Variants in MCFD2 observed in about 807,000 individuals in gnomAD.
The protein encoded by MCFD2 is multiple coagulation factor deficiency 2, ER cargo receptor complex subunit.
Under a neutral mutation model 12.8 loss-of-function variants are expected in MCFD2, and 11 were observed. That is an observed-to-expected ratio of 0.86 (90% CI 0.54 to 1.42). MCFD2 has a LOEUF of 1.42. Among genes scored for constraint, MCFD2 ranks in the 40% most tolerant of loss-of-function variants. MCFD2 has a pLI of 0.00. For missense variants in MCFD2, 191 were observed against 178.6 expected (o/e 1.07, Z -0.40); for synonymous variants, 70 against 68.1 (o/e 1.03, Z -0.14).
chr2:46,929,237 A>G (rs7603884), intron 1 of MCFD2, among the ~76,000 whole-genome samples: 10,608 of 152,180 alleles, frequency 0.07, 511 homozygotes, highest in African/African-American at 0.13. Flanking sequence ...TAATCCTAGC[A>G]CTTTGGGAAG....
At chr2:46,922,060 G>T (rs1572634569) in intron 1 of MCFD2, among the ~76,000 whole-genome samples, 1 of 152,298 alleles carries the variant, frequency 6.6e-6, no homozygotes, top group East Asian at 1.9e-4. Flanking sequence ...TTTTATATTT[G>T]AGTGGAGGAA....
At chr2:46,925,437 A>G (rs1258374352) in intron 1 of MCFD2, among the ~76,000 whole-genome samples, 2 of 152,156 alleles carry the variant, frequency 1.3e-5, no homozygotes, top group Non-Finnish European at 2.9e-5. Context: ...GGGCGCTTGT[A>G]ATCCCAGCTA....
intron 1 of MCFD2, among the ~76,000 whole-genome samples, chr2:46,914,570 G>A (rs1203411725): frequency 1.3e-5 from 2 of 152,160 alleles, no homozygotes; most frequent in African/African-American, 4.8e-5. Context: ...AGCCCAAGGA[G>A]CACCCATGCT....
rs549893147 is a variant in MCFD2 at position 46,906,197 on chromosome 2, A to G, written c.310-603T>C. On this transcript the variant is annotated intron_variant, in intron 3 of 3. Transcript: ENST00000319466. ...ATTCACCATTCCCTCTCCTGTCACC[A>G]CCACTATCCTCATCTGCCAGGACTG... Among the ~76,000 whole-genome samples the G allele has an allele frequency of 9.9e-5, 15 of 152,074 alleles. 1 individual carries two copies. In the South Asian group the frequency reaches 3.1e-3, roughly 32 times the overall value.
intron 1 of MCFD2, among the ~76,000 whole-genome samples, chr2:46,931,689 CAATAAT>C (rs1558480371): frequency 8.6e-6 from 1 of 116,672 alleles, no homozygotes; most frequent in Admixed American, 8.1e-5. Flanking sequence ...CAAAAACAGA[CAATAAT>C]AAATAAATAA....
upstream of MCFD2, chr2:46,916,061 G>T: frequency 1.0e-6 from 1 of 985,456 alleles, no homozygotes; most frequent in Non-Finnish European, 1.2e-6. Context: ...GCTAGGCAAC[G>T]CCGGAAGCCC....
chr2:46,938,734 C>G (rs1256470980), intron 1 of MCFD2, among the ~76,000 whole-genome samples: 2 of 152,148 alleles, frequency 1.3e-5, no homozygotes, highest in Non-Finnish European at 2.9e-5. Flanking sequence ...ACTTTGGAGG[C>G]TGGGCAGGGT....
In MCFD2 at chr2:46,904,721, G is replaced by A. The variant is rs550453047; in HGVS notation, c.*742C>T. 6.5e-6 allele frequency: 1 copy of A among 152,850 alleles called. No individual in the cohort carries two copies. Among genetic ancestry groups the A allele is most frequent in the South Asian group, 2.1e-4 (1 of 4,860 alleles). The allele number at this position is 152,850 out of a possible 1,614,324, so 9.5% of individuals were successfully genotyped here. A position where few individuals can be genotyped will look rare whatever the true frequency, so the allele number is the denominator to read the frequency against. ...CTTTTGATTTTACAGGCTCATAGGT[G>A]GAAGGGACTTGCCTTGTCTCAGATG... is the stretch of plus-strand genomic sequence containing the variant. On this transcript the variant is annotated 3_prime_UTR_variant, in exon 4 of 4. Transcript: ENST00000319466.
At chr2:46,911,196 T>C (rs527609574) in intron 1 of MCFD2, among the ~76,000 whole-genome samples, 2 of 152,236 alleles carry the variant, frequency 1.3e-5, no homozygotes, top group East Asian at 3.9e-4. Context: ...GGCGCAATCT[T>C]GGCTCACTGC....
chr2:46,916,769 G>A (rs1248715081), upstream of MCFD2, among the ~76,000 whole-genome samples: 1 of 152,258 alleles, frequency 6.6e-6, no homozygotes, highest in South Asian at 2.1e-4. Context: ...CGAGTAGCTG[G>A]GATTACAGGC....
intron 3 of MCFD2, 117 bp from the exon 4 acceptor site, chr2:46,905,711 AAAAAG>A: frequency 9.7e-6 from 11 of 1,138,416 alleles, no homozygotes; most frequent in East Asian, 7.5e-5. Flanking sequence ...AAAAAAAAAA[AAAAAG>A]GAAAAACAAA....
At chr2:46,915,034 G>A (rs978224266) in intron 1 of MCFD2, among the ~76,000 whole-genome samples, 7 of 152,230 alleles carry the variant, frequency 4.6e-5, no homozygotes, top group Admixed American at 4.6e-4. Context: ...TCAGATTTCT[G>A]TTTTAAGACC....
At chr2:46,922,097 A>T (rs1669135157) in intron 1 of MCFD2, among the ~76,000 whole-genome samples, 1 of 152,078 alleles carries the variant, frequency 6.6e-6, no homozygotes, top group South Asian at 2.1e-4. Context: ...TCCAGCAAAG[A>T]GTCTAGTCTG....
At chr2:46,926,616 GC>G (rs542477531) in intron 1 of MCFD2, among the ~76,000 whole-genome samples, 1 of 152,130 alleles carries the variant, frequency 6.6e-6, no homozygotes, top group Non-Finnish European at 1.5e-5. Flanking sequence ...GATTGGTAGA[GC>G]CCCCCCAGGT....
intron 3 of MCFD2, among the ~76,000 whole-genome samples, chr2:46,906,608 C>T (rs1319424829): frequency 1.3e-5 from 2 of 151,538 alleles, no homozygotes; most frequent in South Asian, 2.1e-4. Context: ...CACTACCCTC[C>T]CACCCCGTCA....
At chr2:46,924,270 G>T (rs1669271970) in intron 1 of MCFD2, among the ~76,000 whole-genome samples, 1 of 150,168 alleles carries the variant, frequency 6.7e-6, no homozygotes, top group Non-Finnish European at 1.5e-5. Flanking sequence ...CTGTAAACCA[G>T]TAAAACTGTA....
chr2:46,938,696 G>A (rs1423488391), intron 1 of MCFD2, among the ~76,000 whole-genome samples: 1 of 152,136 alleles, frequency 6.6e-6, no homozygotes, highest in Non-Finnish European at 1.5e-5. Flanking sequence ...GCCCTGTGTG[G>A]TGGGTGGTTC....
Position 46,905,327 on chromosome 2 carries a change from G to A in MCFD2, c.*136C>T. ...ATTTCTCTTATCTCTTCTCACCCCA[G>A]TGTAACGAATCGCTACAGGTTTTTA... is the stretch of plus-strand genomic sequence containing the variant. On this transcript the variant is annotated 3_prime_UTR_variant, in exon 4 of 4. Coordinates refer to ENST00000319466, the MANE Select transcript of MCFD2 (RefSeq NM_139279.6). 1 of 892,650 alleles carries A rather than the reference G, an allele frequency of 1.1e-6. No individual in the cohort carries two copies. The highest frequency in any genetic ancestry group is 1.8e-5 in the Admixed American group (1 of 56,764). 55.3% of individuals were successfully genotyped at this position (892,650 alleles called of 1,614,324 possible).
At chr2:46,938,253 T>C (rs1238742609) in intron 1 of MCFD2, among the ~76,000 whole-genome samples, 1 of 152,164 alleles carries the variant, frequency 6.6e-6, no homozygotes, top group African/African-American at 2.4e-5. Context: ...CAAGGAAACA[T>C]TTCTCTAAAA....
Sources: gnomAD v4.1 joint callset for allele counts (sites outside exome capture counted in the v4.1 genomes callset) on GRCh38, gnomAD v4.1.1 for gene constraint, MANE v1.5 for transcripts, NCBI Gene and HGNC (gene_info 2026-07-23, HGNC 2026-07-21) for gene names.